MGAM: variants seen among roughly 807,000 people sequenced by gnomAD.
MGAM encodes alpha-1,4-glucosidase.
Under a neutral mutation model 358.8 loss-of-function variants are expected in MGAM, and 253 were observed. That is an observed-to-expected ratio of 0.71 (90% confidence interval 0.64 to 0.78). The LOEUF (loss-of-function observed/expected upper bound fraction) is 0.78. MGAM is among the 30% of genes least tolerant of loss of function. MGAM has a pLI of 0.00. For missense variants in MGAM, 3,080 were observed against 3,432.6 expected (o/e 0.90, Z 2.57); for synonymous variants, 1,105 against 1,227.1 (o/e 0.90, Z 2.08).
rs560691711 is a variant in MGAM at position 142,059,747 on chromosome 7, A to G, written c.3949-109A>G. 10 of 1,566,934 alleles carry G rather than the reference A, an allele frequency of 6.4e-6. No individual in the cohort carries two copies. In the African/African-American group the frequency reaches 8.1e-5, roughly 13 times the overall value. ...ATTTCCCAGGACTCACAGAAACTCT[A>G]CTGTGCAGGTAGAAGCCAGCGAGTT... On this transcript the variant is annotated intron_variant, in intron 32 of 70. Transcript: ENST00000475668.
At chr7:142,044,604 A>G (rs1704740199) in intron 21 of MGAM, among the ~76,000 whole-genome samples, 1 of 125,834 alleles carries the variant, frequency 7.9e-6, no homozygotes, top group African/African-American at 2.9e-5. Flanking sequence ...ATACACGTGT[A>G]ATATATGATA....
intron 21 of MGAM, among the ~76,000 whole-genome samples, chr7:142,045,350 A>G (rs1446677116): frequency 9.2e-6 from 1 of 108,504 alleles, no homozygotes; most frequent in African/African-American, 3.7e-5. Flanking sequence ...ATATGTCCCT[A>G]TAATACATGA....
intron 21 of MGAM, among the ~76,000 whole-genome samples, chr7:142,045,912 AAT>A (rs1229814356): frequency 0.023 from 657 of 27,992 alleles, 70 homozygotes; most frequent in African/African-American, 0.067. Flanking sequence ...TACAATATGT[AAT>A]ATATATATTA....
At position 142,052,293 on chromosome 7, in the gene MGAM, G is replaced by A. The variant is rs1435635929; in HGVS notation, c.2806-1G>A. ...TCCTTATGATTTCCACATTCCTACA[G>A]GTTGCCATTATCACAGATATTGATC... is the stretch of plus-strand genomic sequence containing the variant. On this transcript the variant is annotated splice_acceptor_variant, in intron 24 of 70. Transcript: ENST00000475668. LOFTEE classifies it high-confidence loss of function. The A allele has an allele frequency of 1.9e-6, 3 of 1,601,692 alleles. No homozygotes were observed. The highest frequency in any genetic ancestry group is 2.6e-6 in the Non-Finnish European group (3 of 1,173,458).
In MGAM at chr7:142,066,766, G is replaced by T. The variant is rs768242663; in HGVS notation, c.4919+45G>T. 66 of 1,528,208 alleles carry T rather than the reference G, an allele frequency of 4.3e-5. 10 individuals are homozygous for T. Among genetic ancestry groups the T allele is most frequent in the Middle Eastern group, 3.4e-4 (2 of 5,888 alleles). The allele number at this position is 1,528,208 out of a possible 1,614,324, so 94.7% of individuals were successfully genotyped here. On this transcript the variant is annotated intron_variant, in intron 41 of 70. Coordinates refer to ENST00000475668, the MANE Select transcript of MGAM (RefSeq NM_001365693.1). ...CCCGATGACTAATGGATGACTTATT[G>T]CATTCTATGTGGTAGCAGTTGATAT...
At chr7:142,100,125 A>C (rs1380423832) in intron 67 of MGAM, among the ~76,000 whole-genome samples, 2 of 152,224 alleles carry the variant, frequency 1.3e-5, no homozygotes, top group Non-Finnish European at 2.9e-5. Context: ...TTCTAGATCA[A>C]AGTCTATGTA....
At chr7:142,007,726 G>T (rs1554452911) in intron 2 of MGAM, among the ~76,000 whole-genome samples, 1 of 152,086 alleles carries the variant, frequency 6.6e-6, no homozygotes, top group Non-Finnish European at 1.5e-5. Flanking sequence ...TGAATTCAAA[G>T]TTCACTAGCC....
chr7:142,063,021 A>T (rs1331079648), intron 35 of MGAM, among the ~76,000 whole-genome samples: 3 of 152,156 alleles, frequency 2.0e-5, no homozygotes, highest in African/African-American at 7.2e-5. Context: ...CAACATGGAG[A>T]AACTCCGTCT....
intron 34 of MGAM, 138 bp from the exon 35 acceptor site, chr7:142,062,430 A>C: frequency 8.8e-7 from 1 of 1,138,844 alleles, no homozygotes; most frequent in Non-Finnish European, 1.2e-6. Context: ...TAAGAAGTTA[A>C]TAACATTATT....
intron 52 of MGAM, 45 bp downstream of exon 52, chr7:142,082,616 A>G: frequency 7.4e-7 from 1 of 1,352,960 alleles, no homozygotes; most frequent in Non-Finnish European, 1.0e-6. Flanking sequence ...GATACCAGTC[A>G]TGCCTGAGTC....
In MGAM at chr7:142,075,443, A is replaced by G. The variant is rs1197518127; in HGVS notation, c.5276-760A>G. ...TGCCAAAAAGTAAACAGGCGTGACTACATCAAACTAAAAGGCTCCTGCACA... is the reference window on the plus strand; with the variant it reads ...TGCCAAAAAGTAAACAGGCGTGACTGCATCAAACTAAAAGGCTCCTGCACA... On this transcript the variant is annotated intron_variant, in intron 45 of 70. Coordinates refer to ENST00000475668, the MANE Select transcript of MGAM (RefSeq NM_001365693.1). Among the ~76,000 whole-genome samples the G allele has an allele frequency of 5.5e-5, 8 of 146,706 alleles. 1 individual carries two copies. The highest frequency in any genetic ancestry group is 1.2e-4 in the Non-Finnish European group (8 of 64,726).
At position 142,034,768 on chromosome 7, in the gene MGAM, A is replaced by G. The variant is rs1807832330; in HGVS notation, c.1886A>G (p.Asn629Ser). ...TTTGCAGCACATTGGTTAGGAGACA[A>G]CACTGCCACCTGGGATGACCTGAGA... ...GKFAAHWLGD[N>S]TATWDDLRWS... The change falls in exon 16 of 71, where the codon AAC (asparagine) becomes AGC (serine). Residue 629 changes from asparagine to serine, a missense_variant. Physicochemically the swap from Asn to Ser is conservative, Grantham distance 46. Around this residue, in one of 5 missense-constraint regions of MGAM, gnomAD observed 1,816 missense variants for 1,840.5 expected, o/e 0.99. Transcript: ENST00000475668. 1.9e-6 allele frequency: 3 copies of G among 1,613,436 alleles called. No homozygotes were observed. Among genetic ancestry groups the G allele is most frequent in the South Asian group, 2.2e-5 (2 of 91,074 alleles).
chr7:142,049,788 G>T (rs1310076525), intron 22 of MGAM, among the ~76,000 whole-genome samples: 1 of 152,150 alleles, frequency 6.6e-6, no homozygotes, highest in Non-Finnish European at 1.5e-5. Flanking sequence ...TAATAAAAAA[G>T]ATAAGAGATA....
At chr7:142,030,856 T>C in intron 12 of MGAM, 99 bp downstream of exon 12, 1 of 771,168 alleles carries the variant, frequency 1.3e-6, no homozygotes, top group Non-Finnish European at 2.2e-6. Context: ...AATTGTTTTA[T>C]TGTACATTTT....
In MGAM at chr7:142,022,268, G is replaced by A. The variant is rs1806533760; in HGVS notation, c.711G>A (p.Leu237=). 1.2e-6 allele frequency: 2 copies of A among 1,605,484 alleles called. No individual in the cohort carries two copies. Among genetic ancestry groups the A allele is most frequent in the Middle Eastern group, 1.7e-4 (1 of 5,974 alleles). ...KVTRRSNNRV[L]FDSSIGPLLF... ...CCTTGTGTTCTCCACCTGTGTCTAG[G>A]TTTGACTCGAGCATTGGGCCCCTAC... Residue 237 remains leucine (L), a splice_region_variant and synonymous_variant, in exon 7 of 71, where the codon TTG becomes TTA. Transcript: ENST00000475668.
intron 21 of MGAM, among the ~76,000 whole-genome samples, chr7:142,041,940 A>AT (rs1285164999): frequency 0.038 from 605 of 15,874 alleles, 29 homozygotes; most frequent in Non-Finnish European, 0.062. Context: ...TATATATATT[A>AT]TATATATACA....
chr7:142,005,513 T>G lies in MGAM; in HGVS notation c.-2-16T>G. ...AATCAAATTCAAATCTAAAATTGTT[T>G]TCTCTTACATTTTAGAGATGGCAAG... On this transcript the variant is annotated splice_polypyrimidine_tract_variant and intron_variant, in intron 1 of 70. Coordinates refer to ENST00000475668, the MANE Select transcript of MGAM (RefSeq NM_001365693.1). 5 of 1,489,264 alleles carry G rather than the reference T, an allele frequency of 3.4e-6. No individual in the cohort carries two copies. Among genetic ancestry groups the G allele is most frequent in the Non-Finnish European group, 4.5e-6 (5 of 1,114,170 alleles). 92.3% of individuals were successfully genotyped at this position (1,489,264 alleles called of 1,614,324 possible). A position where few individuals can be genotyped will look rare whatever the true frequency, so the allele number is the denominator to read the frequency against.
chr7:141,991,096 G>A (rs140011321), upstream of MGAM, among the ~76,000 whole-genome samples: 398 of 152,298 alleles, frequency 2.6e-3, 2 homozygotes, highest in African/African-American at 8.5e-3. Context: ...GGGGCAAGTC[G>A]CCTTTGTGCC....
intron 70 of MGAM, among the ~76,000 whole-genome samples, chr7:142,104,225 A>G (rs1436261767): frequency 9.9e-5 from 15 of 152,148 alleles, no homozygotes; most frequent in Admixed American, 9.8e-4. Flanking sequence ...ATATATTTCA[A>G]TATTGTAAGT....
Sources: allele counts gnomAD v4.1 joint callset (sites outside exome capture counted in the v4.1 genomes callset), GRCh38; gene constraint gnomAD v4.1.1; regional missense constraint gnomAD v4.1.1; transcripts MANE v1.5; gene names NCBI Gene and HGNC (gene_info 2026-07-23, HGNC 2026-07-21).